NRIP3: variants seen among roughly 807,000 people sequenced by gnomAD.
The protein encoded by NRIP3 is nuclear receptor-interacting protein 3.
In NRIP3, 31 loss-of-function variants were observed where a neutral mutation model predicts 29.0. That is an observed-to-expected ratio of 1.07 (90% confidence interval 0.80 to 1.44). NRIP3 has a LOEUF of 1.44. Among genes scored for constraint, NRIP3 ranks in the 40% most tolerant of loss-of-function variants. The pLI is 0.00. For synonymous variants in NRIP3, 131 were observed against 118.3 expected, an observed-to-expected ratio of 1.11 and a Z score of -0.70; for missense variants, 314 against 297.9, an observed-to-expected ratio of 1.05 and a Z score of -0.40.
At chr11:8,983,998 C>T (rs1854465589) in intron 5 of NRIP3, 29 bp from the exon 6 acceptor site, 2 of 1,607,012 alleles carry the variant, frequency 1.2e-6, no homozygotes, top group Admixed American at 1.7e-5. Flanking sequence ...TCAGTGATAC[C>T]ACTATGAGTT....
Position 8,983,223 on chromosome 11 carries a change from G to T in NRIP3, c.*322C>A, listed in dbSNP as rs1854450126. ...ATATATCTATGGAGACACAGAACCT[G>T]GCAGCCCCTATACTTGACTAATAAA... On this transcript the variant is annotated 3_prime_UTR_variant, in exon 7 of 7. Coordinates refer to ENST00000309166, the MANE Select transcript of NRIP3 (RefSeq NM_020645.3). 1 of 464,476 alleles carries T rather than the reference G, an allele frequency of 2.2e-6. No homozygotes were observed. Among genetic ancestry groups the T allele is most frequent in the South Asian group, 2.4e-5 (1 of 41,278 alleles). 28.8% of individuals were successfully genotyped at this position (464,476 alleles called of 1,614,324 possible).
intron 4 of NRIP3, among the ~76,000 whole-genome samples, chr11:8,984,961 C>A (rs1312486544): frequency 6.6e-6 from 1 of 151,778 alleles, no homozygotes; most frequent in Non-Finnish European, 1.5e-5. Flanking sequence ...AAGCGATTCT[C>A]CTACCTCAGC....
rs1325789269 is a variant in NRIP3 at position 8,990,859 on chromosome 11, C to G, written c.175-2577G>C. Among the ~76,000 whole-genome samples, 8 of 152,126 alleles carry G rather than the reference C, an allele frequency of 5.3e-5. No homozygotes were observed. The East Asian group carries it at 1.5e-3, about 29-fold the overall frequency. ...AAAAGCAAAAACCTCCCCAATCTCTCAAGCCCTTCTCAGTCCCACTCCCAA... is the reference window on the plus strand; with the variant it reads ...AAAAGCAAAAACCTCCCCAATCTCTGAAGCCCTTCTCAGTCCCACTCCCAA... On this transcript the variant is annotated intron_variant, in intron 1 of 6. Coordinates refer to ENST00000309166, the MANE Select transcript of NRIP3 (RefSeq NM_020645.3).
chr11:8,995,074 G>C (rs1854677566), intron 1 of NRIP3, among the ~76,000 whole-genome samples: 1 of 146,566 alleles, frequency 6.8e-6, no homozygotes, highest in Non-Finnish European at 1.5e-5. Flanking sequence ...GTGAAATTCT[G>C]CCTCCTCTTA....
chr11:8,982,829 CTTTTT>C lies in NRIP3; in HGVS notation c.*711_*715del. On this transcript the variant is annotated 3_prime_UTR_variant, in exon 7 of 7. Coordinates refer to ENST00000309166, the MANE Select transcript of NRIP3 (RefSeq NM_020645.3). ...AGAGAATATTCCTCCCATGCTCTGC[CTTTTT>C]TTTTTTTTTTTTAACACATTCTCAC... is the stretch of plus-strand genomic sequence containing the variant. 30 of 285,818 alleles carry C rather than the reference CTTTTT, an allele frequency of 1.0e-4. No homozygotes were observed. The highest frequency in any genetic ancestry group is 3.6e-4 in the South Asian group (12 of 33,460). 17.7% of individuals were successfully genotyped at this position (285,818 alleles called of 1,614,324 possible). A position where few individuals can be genotyped will look rare whatever the true frequency, so the allele number is the denominator to read the frequency against.
intron 1 of NRIP3, 89 bp from the exon 2 acceptor site, chr11:8,988,371 G>C: frequency 9.4e-7 from 1 of 1,061,568 alleles, no homozygotes; most frequent in Non-Finnish European, 1.4e-6. Flanking sequence ...TAATGAAGGA[G>C]CCTCCCATAA....
chr11:8,996,275 C>CTTTTTTTTTTTTTTTTTTTTTTTTTTTT, intron 1 of NRIP3, among the ~76,000 whole-genome samples: 1 of 82,944 alleles, frequency 1.2e-5, no homozygotes, highest in Non-Finnish European at 2.1e-5. Flanking sequence ...CCTTTTTTTC[C>CTTTTTTTTTTTTTTTTTTTTTTTTTTTT]TTTTTTTTTT....
At chr11:9,001,506 C>G (rs1473599730) in intron 1 of NRIP3, among the ~76,000 whole-genome samples, 1 of 152,200 alleles carries the variant, frequency 6.6e-6, no homozygotes, top group Non-Finnish European at 1.5e-5. Context: ...TGATGCTATC[C>G]TCTCCCTTTT....
At position 8,984,251 on chromosome 11, in the gene NRIP3, A is replaced by AT. The variant is rs1239093121; in HGVS notation, c.563-128dup. On this transcript the variant is annotated intron_variant, in intron 4 of 6. Coordinates refer to ENST00000309166, the MANE Select transcript of NRIP3 (RefSeq NM_020645.3). ...AATAAACATATATTGAGCATGTGTTATTTTTTTTTTATTTTTTTTTTATTT... is the reference window on the plus strand; with the variant it reads ...AATAAACATATATTGAGCATGTGTTATTTTTTTTTTTATTTTTTTTTTATTT... 2,199 of 355,100 alleles carry AT rather than the reference A, an allele frequency of 6.2e-3. 3 individuals are homozygous for AT. Among genetic ancestry groups the AT allele is most frequent in the Non-Finnish European group, 7.8e-3 (1,703 of 217,752 alleles). The allele number at this position is 355,100 out of a possible 1,614,324, so 22.0% of individuals were successfully genotyped here.
chr11:8,983,138 G>C lies in NRIP3; in HGVS notation c.*407C>G, dbSNP rs1854448875. 7.5e-6 allele frequency: 3 copies of C among 401,962 alleles called. No homozygotes were observed. Among genetic ancestry groups the C allele is most frequent in the Middle Eastern group, 5.7e-4 (1 of 1,756 alleles). The allele number at this position is 401,962 out of a possible 1,614,324, so 24.9% of individuals were successfully genotyped here. A position where few individuals can be genotyped will look rare whatever the true frequency, so the allele number is the denominator to read the frequency against. On this transcript the variant is annotated 3_prime_UTR_variant, in exon 7 of 7. Coordinates refer to ENST00000309166, the MANE Select transcript of NRIP3 (RefSeq NM_020645.3). ...ATCCTGGCACCTGTTTGAAACAGCT[G>C]AAAGGAGGTAAAGGTCAGGTTCCTG...
intron 2 of NRIP3, 74 bp downstream of exon 2, chr11:8,988,044 T>TA: frequency 1.4e-6 from 2 of 1,437,832 alleles, no homozygotes; most frequent in Non-Finnish European, 1.9e-6. Flanking sequence ...ACCCACACTC[T>TA]ATAAAGTCAG....
upstream of NRIP3, chr11:9,004,337 G>C (rs1854877795): frequency 6.3e-6 from 1 of 158,618 alleles, no homozygotes; most frequent in Non-Finnish European, 1.4e-5. Flanking sequence ...CTGGCCGCGG[G>C]TACCTGCTCA....
chr11:9,003,108 G>C (rs7110170), intron 1 of NRIP3, among the ~76,000 whole-genome samples: 38,062 of 152,114 alleles, frequency 0.25, 5,008 homozygotes, highest in Middle Eastern at 0.39. Context: ...TGGTCGGTGA[G>C]ATGCAGCAGC....
At position 8,983,753 on chromosome 11, in the gene NRIP3, TGTA is replaced by T. The variant is rs112274213; in HGVS notation, c.710+119_710+121del. 6.7e-3 allele frequency: 6,317 copies of T among 947,356 alleles called. 271 individuals carry two copies. The African/African-American group carries it at 0.09, about 13-fold the overall frequency. The allele number at this position is 947,356 out of a possible 1,614,324, so 58.7% of individuals were successfully genotyped here. ...CTCTGGGTGTGGGGAAGGGTGGATTTGTAGTATAATTGAAAGCCAAAGACAGGA... is the reference window on the plus strand; with the variant it reads ...CTCTGGGTGTGGGGAAGGGTGGATTTGTATAATTGAAAGCCAAAGACAGGA... On this transcript the variant is annotated intron_variant, in intron 6 of 6. Coordinates refer to ENST00000309166, the MANE Select transcript of NRIP3 (RefSeq NM_020645.3).
intron 1 of NRIP3, among the ~76,000 whole-genome samples, chr11:8,994,836 C>G (rs1854673526): frequency 6.6e-6 from 1 of 152,164 alleles, no homozygotes; most frequent in Non-Finnish European, 1.5e-5. Flanking sequence ...CTTTGTCACT[C>G]TACATATACT....
At chr11:8,984,708 T>C (rs1854481668) in intron 4 of NRIP3, among the ~76,000 whole-genome samples, 1 of 152,186 alleles carries the variant, frequency 6.6e-6, no homozygotes, top group African/African-American at 2.4e-5. Flanking sequence ...GAGTAAAATG[T>C]AGAGAAGTGT....
chr11:8,999,036 C>G (rs758974433), intron 1 of NRIP3, among the ~76,000 whole-genome samples: 3 of 152,062 alleles, frequency 2.0e-5, no homozygotes, highest in Admixed American at 6.6e-5. Context: ...ATCTCCTAAC[C>G]TCGTGACCTG....
chr11:8,994,409 G>A (rs2057470509), intron 1 of NRIP3, among the ~76,000 whole-genome samples: 1 of 152,122 alleles, frequency 6.6e-6, no homozygotes, highest in Admixed American at 6.5e-5. Flanking sequence ...TAAAGAAAAG[G>A]GCTAAGGATG....
Position 8,984,194 on chromosome 11 carries a change from A to G in NRIP3, c.563-70T>C, listed in dbSNP as rs1479851238. The G allele has an allele frequency of 1.6e-5, 15 of 918,370 alleles. No individual in the cohort carries two copies. The Admixed American group carries it at 1.7e-4, about 11-fold the overall frequency. 56.9% of individuals were successfully genotyped at this position (918,370 alleles called of 1,614,324 possible). On this transcript the variant is annotated intron_variant, in intron 4 of 6. Transcript: ENST00000309166. ...TTGCTTAGAAGTTGGCCTAATCACTATTAGGTTCCATCCATCCATCCAATA... is the reference window on the plus strand; with the variant it reads ...TTGCTTAGAAGTTGGCCTAATCACTGTTAGGTTCCATCCATCCATCCAATA...
Sources: gnomAD v4.1 joint callset for allele counts (sites outside exome capture counted in the v4.1 genomes callset) on GRCh38, gnomAD v4.1.1 for gene constraint, MANE v1.5 for transcripts, NCBI Gene and HGNC (gene_info 2026-07-23, HGNC 2026-07-21) for gene names.